OR5V1: variants seen among roughly 807,000 people sequenced by gnomAD.
OR5V1 encodes the protein olfactory receptor 5V1.
For missense variants in OR5V1, 365 were observed against 371.5 expected (o/e 0.98, Z 0.14); for synonymous variants, 134 against 143.2 (o/e 0.94, Z 0.46).
In OR5V1 at chr6:29,355,090, G is replaced by T; in HGVS notation, c.*140C>A. The stretch of plus-strand genomic sequence containing the variant: ...TCTCATAGAACTAACTAAAGCTCAA[G>T]AATAAGTACACTTAGACTGGAGTGT... On this transcript the variant is annotated 3_prime_UTR_variant, in exon 2 of 2. Coordinates refer to ENST00000641768, the MANE Select transcript of OR5V1 (RefSeq NM_030876.6). The T allele has an allele frequency of 1.4e-6, 1 of 723,458 alleles. No individual in the cohort carries two copies. Among genetic ancestry groups the T allele is most frequent in the Non-Finnish European group, 2.2e-6 (1 of 464,640 alleles). The allele number at this position is 723,458 out of a possible 1,614,324, so 44.8% of individuals were successfully genotyped here.
chr6:29,364,917 T>C (rs1778775923), intron 1 of OR5V1, among the ~76,000 whole-genome samples: 1 of 150,738 alleles, frequency 6.6e-6, no homozygotes, highest in Non-Finnish European at 1.5e-5. Flanking sequence ...AAAACTGATA[T>C]ATAGACCAAT....
At chr6:29,358,750 A>C (rs1012882405) in intron 1 of OR5V1, among the ~76,000 whole-genome samples, 37 of 152,198 alleles carry the variant, frequency 2.4e-4, no homozygotes, top group African/African-American at 8.0e-4. Context: ...TAAAAAGGTC[A>C]AATCTATTGA....
intron 1 of OR5V1, among the ~76,000 whole-genome samples, chr6:29,360,639 C>T (rs372352048): frequency 1.1e-3 from 161 of 152,280 alleles, no homozygotes; most frequent in African/African-American, 2.6e-3. Context: ...CAAATAGGGT[C>T]TGGAGTGAAC....
chr6:29,355,815 G>T lies in OR5V1; in HGVS notation c.381C>A (p.Cys127Ter). 6.2e-7 allele frequency: 1 copy of T among 1,614,060 alleles called. No individual in the cohort carries two copies. The highest frequency in any genetic ancestry group is 8.5e-7 in the Non-Finnish European group (1 of 1,179,950). Reference sequence around the variant, plus strand: ...GAATAACTGAATACCTTAAAGGATTGCAGATTGCAATGTAACGATCATATG... The same window carrying T: ...GAATAACTGAATACCTTAAAGGATTTCAGATTGCAATGTAACGATCATATG... ...AMAYDRYIAI[C>*]NPLRYSVILS... is the part of the protein sequence containing the mutation. Residue 127 changes from cysteine (C) to a stop codon, truncating the protein, a stop_gained, in exon 2 of 2, where the codon TGC (cysteine) becomes TGA (stop). Transcript: ENST00000641768. LOFTEE classifies it low-confidence loss of function (END_TRUNC).
intron 1 of OR5V1, among the ~76,000 whole-genome samples, chr6:29,363,669 T>G (rs991616607): frequency 6.6e-6 from 1 of 151,882 alleles, no homozygotes; most frequent in Non-Finnish European, 1.5e-5. Context: ...AAACATAATC[T>G]ATCACATAAA....
chr6:29,355,878 G>A lies in OR5V1; in HGVS notation c.318C>T (p.Phe106=), dbSNP rs7761746. The A allele has an allele frequency of 0.024, 38,659 of 1,613,924 alleles. 1,726 individuals carry two copies. Among genetic ancestry groups the A allele is most frequent in the African/African-American group, 0.19 (14,327 of 74,962 alleles). ...GCVVQLFAFV[F]FVGSECLLLA... ...GTAGGAGACACTCTGATCCTACAAA[G>A]AAAACAAATGCAAAAAGTTGAACCA... Residue 106 remains phenylalanine (F), a synonymous_variant, in exon 2 of 2, where the codon TTC becomes TTT. Transcript: ENST00000641768.
chr6:29,361,127 T>G (rs1340188800), intron 1 of OR5V1, among the ~76,000 whole-genome samples: 1 of 152,022 alleles, frequency 6.6e-6, no homozygotes, highest in Non-Finnish European at 1.5e-5. Flanking sequence ...GAGAACTTCA[T>G]GAAGCATACA....
intron 1 of OR5V1, among the ~76,000 whole-genome samples, chr6:29,357,455 C>T (rs1397605609): frequency 6.6e-6 from 1 of 152,114 alleles, no homozygotes; most frequent in Non-Finnish European, 1.5e-5. Context: ...CTTATGACAA[C>T]AGAATGCCCT....
chr6:29,357,415 T>C (rs1214754822), intron 1 of OR5V1, among the ~76,000 whole-genome samples: 1 of 152,156 alleles, frequency 6.6e-6, no homozygotes, highest in Admixed American at 6.5e-5. Context: ...ATACTTTCAG[T>C]TGAGTGGCTA....
intron 1 of OR5V1, among the ~76,000 whole-genome samples, chr6:29,358,197 T>C (rs1012501519): frequency 2.5e-4 from 38 of 152,190 alleles, no homozygotes; most frequent in African/African-American, 8.2e-4. Context: ...CAAAATTGTA[T>C]TCTCAAATCA....
At chr6:29,357,383 G>C (rs3129684) in intron 1 of OR5V1, among the ~76,000 whole-genome samples, 145,370 of 152,232 alleles carry the variant, frequency 0.95, 69,470 homozygotes, top group East Asian at 1. Flanking sequence ...AAAAAGGTAG[G>C]TTTATCACTC....
chr6:29,356,859 C>A (rs878933014), intron 1 of OR5V1, among the ~76,000 whole-genome samples: 6 of 152,004 alleles, frequency 3.9e-5, no homozygotes, highest in Admixed American at 3.9e-4. Flanking sequence ...TCTGATTTTT[C>A]CTTAATTTTC....
intron 1 of OR5V1, among the ~76,000 whole-genome samples, chr6:29,357,914 T>TA (rs1458989663): frequency 6.6e-6 from 1 of 152,142 alleles, no homozygotes; most frequent in African/African-American, 2.4e-5. Context: ...AATAAAAACT[T>TA]AAAAATGAAG....
In OR5V1 at chr6:29,366,616, TAAG is replaced by T. The variant is rs1294657405; in HGVS notation, c.-83+2013_-83+2015del. Among the ~76,000 whole-genome samples the T allele has an allele frequency of 1.0e-4, 12 of 116,220 alleles. No homozygotes were observed. The East Asian group carries it at 1.3e-3, about 13-fold the overall frequency. The allele number at this position is 116,220 out of a possible 152,430, so 76.2% of individuals were successfully genotyped here. On this transcript the variant is annotated intron_variant, in intron 1 of 1. Transcript: ENST00000641768. ...GCATGTAGAAGCTAAACTATGAGAC[TAAG>T]AAGGAGAAGCATAAAAGTAGAAATT...
chr6:29,359,890 A>G (rs951291634), intron 1 of OR5V1, among the ~76,000 whole-genome samples: 8 of 152,062 alleles, frequency 5.3e-5, no homozygotes, highest in Non-Finnish European at 1.0e-4. Flanking sequence ...AGTTTTTTTC[A>G]TACCCCAGTG....
At chr6:29,360,469 CAG>C (rs1778514980) in intron 1 of OR5V1, among the ~76,000 whole-genome samples, 1 of 152,214 alleles carries the variant, frequency 6.6e-6, no homozygotes, top group Non-Finnish European at 1.5e-5. Context: ...TCCCTGACCC[CAG>C]TGCCTACTGA....
At chr6:29,356,373 C>G in intron 1 of OR5V1, 96 bp from the exon 2 acceptor site, 1 of 627,446 alleles carries the variant, frequency 1.6e-6, no homozygotes, top group Admixed American at 3.4e-5. Flanking sequence ...TAGCTCCTAC[C>G]TACCATGCAA....
Position 29,353,922 on chromosome 6 carries a change from G to T in OR5V1, c.*1308C>A, listed in dbSNP as rs1271601128. 6.6e-6 allele frequency: 1 copy of T among 152,050 alleles called. No individual in the cohort carries two copies. The highest frequency in any genetic ancestry group is 1.9e-4 in the East Asian group (1 of 5,196). 9.4% of individuals were successfully genotyped at this position (152,050 alleles called of 1,614,324 possible). ...TTATTAAAACAAAAACAGTATAGGA[G>T]ACTGTACATAACACCATGTTAAGAA... On this transcript the variant is annotated 3_prime_UTR_variant, in exon 2 of 2. Coordinates refer to ENST00000641768, the MANE Select transcript of OR5V1 (RefSeq NM_030876.6).
chr6:29,358,928 G>A (rs1348629576), intron 1 of OR5V1, among the ~76,000 whole-genome samples: 2 of 152,032 alleles, frequency 1.3e-5, no homozygotes, highest in African/African-American at 2.4e-5. Flanking sequence ...AATTGCTAAT[G>A]GAGTGGATTT....
Sources: gnomAD v4.1 joint callset for allele counts (sites outside exome capture counted in the v4.1 genomes callset) on GRCh38, gnomAD v4.1.1 for gene constraint, MANE v1.5 for transcripts, NCBI Gene and HGNC (gene_info 2026-07-23, HGNC 2026-07-21) for gene names.